Variants in TGM6 observed in about 807,000 individuals in gnomAD.
The protein encoded by TGM6 is transglutaminase 6, also known as protein-glutamine gamma-glutamyltransferase 6.
In TGM6, 74 loss-of-function variants were observed where a neutral mutation model predicts 77.5. That is an observed-to-expected ratio of 0.96 (90% confidence interval 0.79 to 1.16). TGM6 has a LOEUF of 1.16. TGM6 is among the 50% of genes most tolerant of loss of function. TGM6 has a pLI of 0.00. For synonymous variants in TGM6, 383 were observed against 378.9 expected (o/e 1.01, Z -0.12); for missense variants, 968 against 940.2 (o/e 1.03, Z -0.39).
intron 11 of TGM6, 146 bp from the exon 12 acceptor site, chr20:2,430,748 G>T (rs1273542801): frequency 3.8e-6 from 6 of 1,581,222 alleles, no homozygotes; most frequent in African/African-American, 2.7e-5. Context: ...ATAAGGGGAT[G>T]GGTGCAATAG....
chr20:2,428,515 C>G (rs2084903714), intron 10 of TGM6, among the ~76,000 whole-genome samples: 1 of 152,150 alleles, frequency 6.6e-6, no homozygotes, highest in African/African-American at 2.4e-5. Flanking sequence ...GCTGATGCTG[C>G]TGGTCCCAGG....
In TGM6 at chr20:2,395,270, A is replaced by T. The variant is rs755432031; in HGVS notation, c.258A>T (p.Thr86=). 1.9e-6 allele frequency: 3 copies of T among 1,614,178 alleles called. No homozygotes were observed. In the East Asian group the frequency reaches 6.7e-5, roughly 36 times the overall value. The change falls in exon 3 of 13, where the codon ACA becomes ACT. Residue 86 remains threonine (T), a synonymous_variant. Coordinates refer to ENST00000202625, the MANE Select transcript of TGM6 (RefSeq NM_198994.3). ...AGCTGGAGCGGGGTGAGGGCTGGAC[A>T]GCAGCAAGGGAGGCTCAGATGGAGA... ...TSELERGEGW[T]AAREAQMEKT...
chr20:2,392,506 G>A (rs892884448), intron 1 of TGM6, among the ~76,000 whole-genome samples: 3 of 152,176 alleles, frequency 2.0e-5, no homozygotes, highest in African/African-American at 4.8e-5. Flanking sequence ...AATAAGTAAC[G>A]ATGATTGAGC....
intron 1 of TGM6, 136 bp from the exon 2 acceptor site, chr20:2,394,316 A>G: frequency 1.9e-6 from 2 of 1,058,830 alleles, no homozygotes; most frequent in East Asian, 2.5e-5. Flanking sequence ...CAAACAAACA[A>G]ACAGAGAATC....
intron 10 of TGM6, among the ~76,000 whole-genome samples, chr20:2,420,122 G>A (rs1316235728): frequency 6.6e-6 from 1 of 152,144 alleles, no homozygotes; most frequent in African/African-American, 2.4e-5. Flanking sequence ...GCATGCGCCT[G>A]TAGTCCCAGC....
At chr20:2,407,727 C>T (rs1033344436) in intron 9 of TGM6, among the ~76,000 whole-genome samples, 2 of 152,226 alleles carry the variant, frequency 1.3e-5, no homozygotes, top group African/African-American at 2.4e-5. Context: ...AGGCAGTCTA[C>T]TCTTAGGGCC....
chr20:2,384,357 C>T (rs1430435128), intron 1 of TGM6, among the ~76,000 whole-genome samples: 3 of 152,126 alleles, frequency 2.0e-5, no homozygotes, highest in Non-Finnish European at 4.4e-5. Context: ...ATTATTATTG[C>T]CACTTTCCAG....
chr20:2,396,413 C>T (rs934693361), intron 3 of TGM6, 93 bp from the exon 4 acceptor site: 44 of 1,306,240 alleles, frequency 3.4e-5, no homozygotes, highest in Middle Eastern at 1.8e-4. Context: ...AGCCTCCGGG[C>T]GCTGCCCTGC....
intron 12 of TGM6, 152 bp downstream of exon 12, chr20:2,431,179 T>C (rs2084921961): frequency 2.2e-6 from 2 of 899,832 alleles, no homozygotes; most frequent in South Asian, 2.0e-5. Flanking sequence ...CATTCACTTA[T>C]TTATTCCTTC....
intron 10 of TGM6, among the ~76,000 whole-genome samples, chr20:2,424,037 A>G (rs906632772): frequency 6.6e-6 from 1 of 152,252 alleles, no homozygotes; most frequent in Non-Finnish European, 1.5e-5. Context: ...CAGATGTGCT[A>G]TCATCCTGGC....
chr20:2,423,993 T>C (rs1314596072), intron 10 of TGM6, among the ~76,000 whole-genome samples: 2 of 152,228 alleles, frequency 1.3e-5, no homozygotes, highest in Non-Finnish European at 2.9e-5. Flanking sequence ...GTCTCAACAG[T>C]TGGCCTAAAA....
chr20:2,382,280 CT>C (rs2084560546), intron 1 of TGM6, among the ~76,000 whole-genome samples: 1 of 152,268 alleles, frequency 6.6e-6, no homozygotes, highest in South Asian at 2.1e-4. Context: ...AAGACCAGGC[CT>C]TGCCAACACC....
chr20:2,409,358 G>A (rs148434527), intron 9 of TGM6, among the ~76,000 whole-genome samples: 2,276 of 152,184 alleles, frequency 0.015, 28 homozygotes, highest in Non-Finnish European at 0.026. Context: ...ATTTATAGCC[G>A]TAAAACCTAT....
At position 2,430,614 on chromosome 20, in the gene TGM6, G is replaced by A. The variant is rs934336828; in HGVS notation, c.1833+14G>A. ...ATCACCATCAAGGTGACCTCAGCCT[G>A]CATCTACCATGCTGTTCCTAGTGGC... On this transcript the variant is annotated intron_variant, in intron 11 of 12. Coordinates refer to ENST00000202625, the MANE Select transcript of TGM6 (RefSeq NM_198994.3). 19 of 1,613,758 alleles carry A rather than the reference G, an allele frequency of 1.2e-5. No homozygotes were observed. The highest frequency in any genetic ancestry group is 1.6e-5 in the Non-Finnish European group (19 of 1,180,040).
chr20:2,383,738 C>A (rs1316481381), intron 1 of TGM6, among the ~76,000 whole-genome samples: 1 of 151,994 alleles, frequency 6.6e-6, no homozygotes, highest in Non-Finnish European at 1.5e-5. Flanking sequence ...AACAAGAAAC[C>A]CCGTGCATGT....
chr20:2,400,567 C>A, intron 7 of TGM6, 123 bp downstream of exon 7: 1 of 1,450,034 alleles, frequency 6.9e-7, no homozygotes, highest in South Asian at 1.2e-5. Flanking sequence ...TGAATCTGAG[C>A]CGGCTCTGGA....
chr20:2,421,901 G>A (rs927282654), intron 10 of TGM6, among the ~76,000 whole-genome samples: 22 of 152,164 alleles, frequency 1.4e-4, no homozygotes, highest in African/African-American at 5.3e-4. Flanking sequence ...GGAGGCTGAA[G>A]CAGGTGGATC....
intron 10 of TGM6, among the ~76,000 whole-genome samples, chr20:2,425,238 C>A (rs1038107900): frequency 1.3e-5 from 2 of 151,900 alleles, no homozygotes; most frequent in Non-Finnish European, 2.9e-5. Flanking sequence ...GTCCTAGCTA[C>A]CTGGAGGCTG....
intron 9 of TGM6, among the ~76,000 whole-genome samples, chr20:2,413,576 T>C (rs2084797057): frequency 6.6e-6 from 1 of 152,160 alleles, no homozygotes; most frequent in African/African-American, 2.4e-5. Context: ...GACAATTCAA[T>C]GGAGAAAGAA....
Sources: gnomAD v4.1 joint callset for allele counts (sites outside exome capture counted in the v4.1 genomes callset) on GRCh38, gnomAD v4.1.1 for gene constraint, MANE v1.5 for transcripts, NCBI Gene and HGNC (gene_info 2026-07-23, HGNC 2026-07-21) for gene names.